SWAP70: variants seen among roughly 807,000 people sequenced by gnomAD.
SWAP70 encodes switch-associated protein 70.
Under a neutral mutation model 80.2 loss-of-function variants are expected in SWAP70, and 34 were observed. The observed-to-expected ratio is 0.42, with a 90% CI of 0.32 to 0.56. The LOEUF is 0.56. Among genes scored for constraint, SWAP70 ranks in the 20% least tolerant of loss-of-function variants. The pLI is 0.09. For synonymous variants in SWAP70, 239 were observed against 238.5 expected (o/e 1.00, Z -0.02); for missense variants, 578 against 690.7 (o/e 0.84, Z 1.83).
At chr11:9,693,914 C>T (rs1273607336) in intron 1 of SWAP70, among the ~76,000 whole-genome samples, 1 of 152,082 alleles carries the variant, frequency 6.6e-6, no homozygotes, top group Non-Finnish European at 1.5e-5. Flanking sequence ...GAGCCTGGCT[C>T]ATAGTAGGCA....
intron 8 of SWAP70, 101 bp downstream of exon 8, chr11:9,738,421 G>GGC: frequency 1.3e-6 from 1 of 766,060 alleles, no homozygotes; most frequent in South Asian, 2.5e-5. Flanking sequence ...TCATCAGCTT[G>GGC]GCTTTGCTAC....
At chr11:9,725,827 C>T (rs1428932600) in intron 4 of SWAP70, among the ~76,000 whole-genome samples, 1 of 151,854 alleles carries the variant, frequency 6.6e-6, no homozygotes, top group African/African-American at 2.4e-5. Context: ...GCCTTGGCCT[C>T]CCAAAGTGTT....
chr11:9,682,308 C>T (rs911564206), intron 1 of SWAP70, among the ~76,000 whole-genome samples: 18 of 152,072 alleles, frequency 1.2e-4, no homozygotes, highest in African/African-American at 2.7e-4. Context: ...AGAAGGTGGA[C>T]AAACTGTATG....
At chr11:9,677,356 A>T (rs1850514395) in intron 1 of SWAP70, among the ~76,000 whole-genome samples, 1 of 152,078 alleles carries the variant, frequency 6.6e-6, no homozygotes. Flanking sequence ...AAAGGTTATT[A>T]TTTAAACATG....
At chr11:9,714,807 ATTTT>A (rs71034737) in intron 3 of SWAP70, among the ~76,000 whole-genome samples, 5 of 127,712 alleles carry the variant, frequency 3.9e-5, no homozygotes, top group African/African-American at 1.3e-4. Flanking sequence ...CCAAAAGGGG[ATTTT>A]TTTTTTTTTT....
chr11:9,722,078 TG>T lies in SWAP70; in HGVS notation c.415-2578del, dbSNP rs530142635. Among the ~76,000 whole-genome samples, 313 of 152,334 alleles carry T rather than the reference TG, an allele frequency of 2.1e-3. 1 individual carries two copies. Among genetic ancestry groups the T allele is most frequent in the Non-Finnish European group, 3.7e-3 (249 of 68,030 alleles). ...TGCTTTCTTTAAATGTAATTTTGAA[TG>T]GTTGAATAGTATTTCACTCAGTGCA... On this transcript the variant is annotated intron_variant, in intron 3 of 11. Transcript: ENST00000318950.
intron 1 of SWAP70, among the ~76,000 whole-genome samples, chr11:9,676,774 T>TC (rs1270793703): frequency 6.6e-6 from 1 of 150,674 alleles, no homozygotes; most frequent in African/African-American, 2.4e-5. Flanking sequence ...CTCAGCCTCC[T>TC]CAGTAGCTGG....
rs540043916 is a variant in SWAP70 at position 9,750,047 on chromosome 11, A to G, written c.*77A>G. 32 of 1,081,166 alleles carry G rather than the reference A, an allele frequency of 3.0e-5. No homozygotes were observed. The highest frequency in any genetic ancestry group is 2.7e-4 in the South Asian group (21 of 76,510). The allele number at this position is 1,081,166 out of a possible 1,614,324, so 67.0% of individuals were successfully genotyped here. ...GCTTTACGCTAAAGACAAAAGAAACAGCTTTGGGGGCCGGGCGTGGTGGCT... is the reference window on the plus strand; with the variant it reads ...GCTTTACGCTAAAGACAAAAGAAACGGCTTTGGGGGCCGGGCGTGGTGGCT... On this transcript the variant is annotated 3_prime_UTR_variant, in exon 12 of 12. Coordinates refer to ENST00000318950, the MANE Select transcript of SWAP70 (RefSeq NM_015055.4).
chr11:9,671,745 A>ACT (rs1554982552), intron 1 of SWAP70, among the ~76,000 whole-genome samples: 1 of 64,222 alleles, frequency 1.6e-5, no homozygotes, highest in African/African-American at 5.6e-5. Flanking sequence ...TATACATAGA[A>ACT]ATATAAATAT....
chr11:9,740,445 C>T (rs1270883112), intron 9 of SWAP70, 98 bp downstream of exon 9: 2 of 1,275,066 alleles, frequency 1.6e-6, no homozygotes, highest in East Asian at 2.3e-5. Context: ...GGAGAAGTGT[C>T]TCTGCTCTGG....
chr11:9,701,482 A>G (rs1850830907), intron 2 of SWAP70, among the ~76,000 whole-genome samples: 2 of 151,582 alleles, frequency 1.3e-5, no homozygotes, highest in African/African-American at 4.8e-5. Context: ...CCAAATGTTA[A>G]ATTTTTAAAT....
At chr11:9,685,602 C>T (rs985621414) in intron 1 of SWAP70, among the ~76,000 whole-genome samples, 1 of 143,694 alleles carries the variant, frequency 7.0e-6, no homozygotes, top group Admixed American at 6.9e-5. Context: ...GAGTTCCGCT[C>T]TCTTGACTTA....
At chr11:9,668,935 A>T (rs572555469) in intron 1 of SWAP70, among the ~76,000 whole-genome samples, 1 of 152,330 alleles carries the variant, frequency 6.6e-6, no homozygotes, top group South Asian at 2.1e-4. Context: ...AAACTTTGGT[A>T]GGCAAATTAA....
At chr11:9,749,251 T>A (rs1295018592) in intron 11 of SWAP70, 68 bp downstream of exon 11, 9 of 903,536 alleles carry the variant, frequency 1.0e-5, no homozygotes, top group Non-Finnish European at 1.0e-5. Flanking sequence ...TTAATTAATT[T>A]ATTTATTTTG....
intron 1 of SWAP70, 37 bp downstream of exon 1, chr11:9,664,315 C>T (rs1428925991): frequency 6.5e-7 from 1 of 1,538,684 alleles, no homozygotes; most frequent in African/African-American, 1.4e-5. Context: ...ACCCGACCCT[C>T]CCCGGCGCGC....
intron 9 of SWAP70, among the ~76,000 whole-genome samples, chr11:9,742,657 T>C (rs570611603): frequency 6.6e-6 from 1 of 152,152 alleles, no homozygotes; most frequent in South Asian, 2.1e-4. Context: ...TTAAGTGAAA[T>C]GTGTTCCTCT....
intron 6 of SWAP70, among the ~76,000 whole-genome samples, chr11:9,732,259 C>T (rs770186972): frequency 3.9e-5 from 6 of 151,966 alleles, no homozygotes; most frequent in East Asian, 3.9e-4. Context: ...AATTTTGGAG[C>T]GAGAAAGGAC....
At chr11:9,694,032 A>G (rs1850725584) in intron 1 of SWAP70, 114 bp from the exon 2 acceptor site, 1 of 1,314,404 alleles carries the variant, frequency 7.6e-7, no homozygotes, top group Non-Finnish European at 1.0e-6. Flanking sequence ...TGTTTTTGCT[A>G]GTTTATTTTC....
At chr11:9,735,836 G>A (rs1349924270) in intron 7 of SWAP70, among the ~76,000 whole-genome samples, 1 of 152,118 alleles carries the variant, frequency 6.6e-6, no homozygotes, top group Non-Finnish European at 1.5e-5. Flanking sequence ...CAGTTTTACT[G>A]TGGTGTATGT....
Sources: gnomAD v4.1 joint callset for allele counts (sites outside exome capture counted in the v4.1 genomes callset) on GRCh38, gnomAD v4.1.1 for gene constraint, MANE v1.5 for transcripts, NCBI Gene and HGNC (gene_info 2026-07-23, HGNC 2026-07-21) for gene names.